Variants in ARHGAP45 observed in about 807,000 individuals in gnomAD.
ARHGAP45 encodes rho GTPase-activating protein 45.
Under a neutral mutation model 116.1 loss-of-function variants are expected in ARHGAP45, and 56 were observed. That is an observed-to-expected ratio of 0.48 (90% confidence interval 0.39 to 0.60). The LOEUF (loss-of-function observed/expected upper bound fraction) is 0.60. Among genes scored for constraint, ARHGAP45 ranks in the 20% least tolerant of loss-of-function variants. The pLI, the probability that ARHGAP45 is intolerant of heterozygous loss-of-function variation, is 0.00. For synonymous variants in ARHGAP45, 866 were observed against 701.7 expected, an observed-to-expected ratio of 1.23 and a Z score of -3.70; for missense variants, 1,622 against 1,601.0, an observed-to-expected ratio of 1.01 and a Z score of -0.22.
intron 10 of ARHGAP45, chr19:1,077,600 G>C: frequency 1.5e-6 from 2 of 1,314,210 alleles, no homozygotes; most frequent in Non-Finnish European, 2.0e-6. Flanking sequence ...TGGCCAGGCT[G>C]GTCTCAAACT....
At position 1,071,376 on chromosome 19, in the gene ARHGAP45, G is replaced by C; in HGVS notation, c.422-1773G>C. On this transcript the variant is annotated intron_variant, in intron 2 of 22. Transcript: ENST00000313093. The surrounding 1 kb of genome is among the most constrained non-coding windows in gnomAD (Gnocchi z 4.6). ...CCCCCGAGGTGAGGGGACAGGTGCCGGGCGCTGGGTCCCGCCGCGTCCGGG... is the reference window on the plus strand; with the variant it reads ...CCCCCGAGGTGAGGGGACAGGTGCCCGGCGCTGGGTCCCGCCGCGTCCGGG... 1 of 1,281,992 alleles carries C rather than the reference G, an allele frequency of 7.8e-7. No homozygotes were observed. Among genetic ancestry groups the C allele is most frequent in the Non-Finnish European group, 9.9e-7 (1 of 1,013,670 alleles). The allele number at this position is 1,281,992 out of a possible 1,614,324, so 79.4% of individuals were successfully genotyped here. A position where few individuals can be genotyped will look rare whatever the true frequency, so the allele number is the denominator to read the frequency against.
At chr19:1,078,451 T>G (rs1199628719) in intron 11 of ARHGAP45, among the ~76,000 whole-genome samples, 30 of 146,922 alleles carry the variant, frequency 2.0e-4, no homozygotes. Context: ...CCAATTTGTT[T>G]TTTGGAGACA....
At position 1,081,758 on chromosome 19, in the gene ARHGAP45, G is replaced by C. The variant is rs759480482; in HGVS notation, c.2379+20G>C. 3 of 1,556,902 alleles carry C rather than the reference G, an allele frequency of 1.9e-6. No individual in the cohort carries two copies. The highest frequency in any genetic ancestry group is 2.6e-6 in the Non-Finnish European group (3 of 1,149,642). On this transcript the variant is annotated intron_variant, in intron 18 of 22. Transcript: ENST00000313093. The stretch of plus-strand genomic sequence containing the variant: ...ACCAAGGTGAGGCGGGGGAGGAAGC[G>C]GCTCACAGCGAGGAGGCGGGAGTGG...
In ARHGAP45 at chr19:1,080,396, G is replaced by A. The variant is rs908399489; in HGVS notation, c.1828+17G>A. On this transcript the variant is annotated intron_variant, in intron 14 of 22. Coordinates refer to ENST00000313093, the MANE Select transcript of ARHGAP45 (RefSeq NM_012292.5). ...ACCACAGGGGTGAGTGTCCGGCGGGGCCCAGGGGCGGACGCTGGCTCCCTG... is the reference window on the plus strand; with the variant it reads ...ACCACAGGGGTGAGTGTCCGGCGGGACCCAGGGGCGGACGCTGGCTCCCTG... The A allele has an allele frequency of 1.6e-5, 26 of 1,608,134 alleles. No homozygotes were observed. The highest frequency in any genetic ancestry group is 2.2e-5 in the Non-Finnish European group (26 of 1,178,980).
At chr19:1,079,906 C>G (rs1394422633) in intron 12 of ARHGAP45, 22 bp from the exon 13 acceptor site, 5 of 1,600,182 alleles carry the variant, frequency 3.1e-6, no homozygotes, top group Non-Finnish European at 4.3e-6. Context: ...CTGACCCCTC[C>G]GCTCTCCGGT....
At position 1,084,347 on chromosome 19, in the gene ARHGAP45, G is replaced by A; in HGVS notation, c.3064+1G>A. The A allele has an allele frequency of 1.2e-6, 2 of 1,605,450 alleles. No homozygotes were observed. Among genetic ancestry groups the A allele is most frequent in the South Asian group, 1.1e-5 (1 of 90,544 alleles). On this transcript the variant is annotated splice_donor_variant, in intron 22 of 22. Transcript: ENST00000313093. LOFTEE classifies it high-confidence loss of function. ...GAGGCGGCGGCGGACGGGTGCAGAG[G>A]TGAGTGTGTGGCTGCCCGAACGGCC...
In ARHGAP45 at chr19:1,071,458, C is replaced by A; in HGVS notation, c.422-1691C>A. On this transcript the variant is annotated intron_variant, in intron 2 of 22. Coordinates refer to ENST00000313093, the MANE Select transcript of ARHGAP45 (RefSeq NM_012292.5). This position sits in a 1 kb window ranked among gnomAD's most constrained non-coding sequence, Gnocchi z 4.6. ...CGGTGGGGGAGCAGCGGCTGCCGCGCGCCTGGCCTGGCCGTGCGCACCTGG... is the reference window on the plus strand; with the variant it reads ...CGGTGGGGGAGCAGCGGCTGCCGCGAGCCTGGCCTGGCCGTGCGCACCTGG... The A allele has an allele frequency of 1.1e-6, 1 of 951,788 alleles. No homozygotes were observed. Among genetic ancestry groups the A allele is most frequent in the Non-Finnish European group, 1.3e-6 (1 of 783,560 alleles). 59.0% of individuals were successfully genotyped at this position (951,788 alleles called of 1,614,324 possible).
At chr19:1,083,405 G>A (rs1272466974) in intron 21 of ARHGAP45, 52 bp downstream of exon 21, 1 of 1,443,272 alleles carries the variant, frequency 6.9e-7, no homozygotes, top group Non-Finnish European at 9.4e-7. Flanking sequence ...GGGGAGCAGG[G>A]GGCGCTGCTG....
chr19:1,080,535 G>A lies in ARHGAP45; in HGVS notation c.1900G>A (p.Gly634Ser), dbSNP rs145692763. The A allele has an allele frequency of 3.1e-6, 5 of 1,612,680 alleles. No individual in the cohort carries two copies. Among genetic ancestry groups the A allele is most frequent in the African/African-American group, 2.7e-5 (2 of 74,916 alleles). Reference sequence around the variant, plus strand: ...AGACTCGGACAGTGGGCTGGACCCCGGCCCTGGCGCAGGTGAGGGAGGCTC... The same window carrying A: ...AGACTCGGACAGTGGGCTGGACCCCAGCCCTGGCGCAGGTGAGGGAGGCTC... The part of the protein sequence containing the change: ...ISDSDSGLDP[G>S]PGAGDFKKFE... Residue 634 changes from glycine (G) to serine (S), a missense_variant, in exon 15 of 23, where the codon GGC becomes AGC. Transcript: ENST00000313093.
At chr19:1,076,599 C>T (rs767106277) in intron 10 of ARHGAP45, among the ~76,000 whole-genome samples, 101 of 147,250 alleles carry the variant, frequency 6.9e-4, no homozygotes, top group African/African-American at 2.3e-3. Flanking sequence ...TGGGCTCAAG[C>T]GATTCTTCTG....
Position 1,086,009 on chromosome 19 carries a change from T to C in ARHGAP45, c.*3T>C. ...AAAGGCAGCCGGAATTCGTGTGAGC[T>C]GGGGTGGGGCTGGGACCACAGGTGG... is the stretch of plus-strand genomic sequence containing the variant. On this transcript the variant is annotated 3_prime_UTR_variant, in exon 23 of 23. Transcript: ENST00000313093. The C allele has an allele frequency of 1.2e-6, 2 of 1,609,680 alleles. No individual in the cohort carries two copies. Among genetic ancestry groups the C allele is most frequent in the Non-Finnish European group, 1.7e-6 (2 of 1,177,856 alleles).
In ARHGAP45 at chr19:1,074,026, C is replaced by T; in HGVS notation, c.790+12C>T. On this transcript the variant is annotated intron_variant, in intron 6 of 22. Coordinates refer to ENST00000313093, the MANE Select transcript of ARHGAP45 (RefSeq NM_012292.5). The stretch of plus-strand genomic sequence containing the variant: ...AGACTGTGACGCCGGTAAGCCCCCA[C>T]CCAGCGGCAGGCAGGCATTTGAGGG... 6.3e-7 allele frequency: 1 copy of T among 1,597,428 alleles called. No homozygotes were observed. Among genetic ancestry groups the T allele is most frequent in the Non-Finnish European group, 8.5e-7 (1 of 1,172,656 alleles).
intron 5 of ARHGAP45, 39 bp downstream of exon 5, chr19:1,073,785 T>C: frequency 1.3e-6 from 2 of 1,557,118 alleles, no homozygotes; most frequent in Non-Finnish European, 1.7e-6. Flanking sequence ...GTCCAGCTTC[T>C]GGAGGCCAGC....
In ARHGAP45 at chr19:1,077,848, C is replaced by A; in HGVS notation, c.1186-9C>A. ...GTTGGAACTGGCCTCCTGGCTCCCA[C>A]ACCCACAGCAAGAGGCGGAGTCCAA... On this transcript the variant is annotated splice_polypyrimidine_tract_variant and intron_variant, in intron 10 of 22. Coordinates refer to ENST00000313093, the MANE Select transcript of ARHGAP45 (RefSeq NM_012292.5). 1.3e-6 allele frequency: 2 copies of A among 1,552,180 alleles called. No individual in the cohort carries two copies. The highest frequency in any genetic ancestry group is 1.7e-6 in the Non-Finnish European group (2 of 1,147,600).
intron 2 of ARHGAP45, 75 bp from the exon 3 acceptor site, chr19:1,073,074 A>G (rs2072102): frequency 0.75 from 1,120,464 of 1,490,688 alleles, 422,508 homozygotes; most frequent in Admixed American, 0.85. Context: ...CAGGAGCTCT[A>G]AAGAGGGAGG....
At position 1,073,601 on chromosome 19, in the gene ARHGAP45, G is replaced by C. The variant is rs1289115596; in HGVS notation, c.650+11G>C. 6.2e-7 allele frequency: 1 copy of C among 1,613,698 alleles called. No homozygotes were observed. The stretch of plus-strand genomic sequence containing the variant: ...GGCCTTCAGTAGCACGTGAGCACGG[G>C]AGCCTGTGGGGCAGGGCAAGGGAGC... On this transcript the variant is annotated intron_variant, in intron 4 of 22. Transcript: ENST00000313093.
intron 10 of ARHGAP45, chr19:1,077,020 C>T (rs1419807488): frequency 1.7e-5 from 17 of 982,944 alleles, no homozygotes; most frequent in Non-Finnish European, 2.1e-5. Flanking sequence ...TGACCCATGG[C>T]GCCTGGCGGT....
chr19:1,073,936 TC>T lies in ARHGAP45; in HGVS notation c.724-10del, dbSNP rs746549113. 6.4e-7 allele frequency: 1 copy of T among 1,553,652 alleles called. No individual in the cohort carries two copies. The highest frequency in any genetic ancestry group is 8.7e-7 in the Non-Finnish European group (1 of 1,149,260). ...GCATGGGGCTGGTCTCACCTGCGTC[TC>T]CGTCCTACAGTCCATGGAAAGCCTG... On this transcript the variant is annotated splice_polypyrimidine_tract_variant and intron_variant, in intron 5 of 22. Coordinates refer to ENST00000313093, the MANE Select transcript of ARHGAP45 (RefSeq NM_012292.5).
At chr19:1,066,797 G>A (rs1156606034), upstream of ARHGAP45, among the ~76,000 whole-genome samples, 2 of 150,796 alleles carry the variant, frequency 1.3e-5, no homozygotes, top group Admixed American at 1.3e-4. Context: ...GCTGGGGCCC[G>A]GCCACACCCT....
Sources: gnomAD v4.1 joint callset for allele counts (sites outside exome capture counted in the v4.1 genomes callset) on GRCh38, gnomAD v4.1.1 for gene constraint, Gnocchi (gnomAD v3.1) non-coding constraint, MANE v1.5 for transcripts, NCBI Gene and HGNC (gene_info 2026-07-23, HGNC 2026-07-21) for gene names.